The following MCM4 variants were observed in gnomAD, a reference collection of about 807,000 sequenced individuals.
The protein encoded by MCM4 is DNA replication licensing factor MCM4.
In MCM4, 60 loss-of-function variants were observed where a neutral mutation model predicts 88.7. That is an observed-to-expected ratio of 0.68 (90% confidence interval 0.55 to 0.84). MCM4 has a LOEUF of 0.84. Among genes scored for constraint, MCM4 ranks in the 40% least tolerant of loss-of-function variants. The pLI is 0.00. For synonymous variants in MCM4, 465 were observed against 410.5 expected (o/e 1.13, Z -1.61); for missense variants, 1,149 against 1,105.5 (o/e 1.04, Z -0.56).
At chr8:47,971,282 G>A in intron 12 of MCM4, 59 bp from the exon 13 acceptor site, 2 of 1,605,428 alleles carry the variant, frequency 1.2e-6, no homozygotes, top group Non-Finnish European at 1.7e-6. Context: ...GGCGAAGACG[G>A]TGCTTGTTAA....
intron 13 of MCM4, among the ~76,000 whole-genome samples, chr8:47,972,097 C>T (rs1464320166): frequency 3.3e-5 from 5 of 151,616 alleles, no homozygotes; most frequent in Non-Finnish European, 5.9e-5. Context: ...CCCGGCGTGG[C>T]GGCGCATGCC....
intron 13 of MCM4, among the ~76,000 whole-genome samples, chr8:47,972,235 C>CAA (rs779237498): frequency 1.2e-3 from 75 of 61,548 alleles, no homozygotes; most frequent in South Asian, 3.6e-3. Context: ...GACTCTGTCT[C>CAA]AAAAAAAAAA....
intron 10 of MCM4, among the ~76,000 whole-genome samples, chr8:47,968,526 C>T (rs1201153268): frequency 6.6e-6 from 1 of 152,132 alleles, no homozygotes; most frequent in South Asian, 2.1e-4. Flanking sequence ...TGTTTGGGGC[C>T]AAGGGGCTGT....
chr8:47,962,474 ATATC>A (rs2090853449), intron 5 of MCM4, 68 bp downstream of exon 5: 11 of 1,488,954 alleles, frequency 7.4e-6, no homozygotes, highest in Middle Eastern at 3.5e-4. Context: ...TTTATAATCT[ATATC>A]TAAGTAGCCA....
intron 16 of MCM4, among the ~76,000 whole-genome samples, 186 bp downstream of exon 16, chr8:47,976,034 C>T (rs150230360): frequency 6.6e-6 from 1 of 152,004 alleles, no homozygotes; most frequent in African/African-American, 2.4e-5. Flanking sequence ...CAGTAGCTCA[C>T]GCCTGTAATC....
intron 15 of MCM4, 41 bp from the exon 16 acceptor site, chr8:47,975,674 A>G (rs2090994698): frequency 1.4e-6 from 2 of 1,468,462 alleles, no homozygotes; most frequent in South Asian, 1.5e-5. Context: ...ATTTCATTTC[A>G]TAATAGCAAA....
chr8:47,968,481 A>G (rs1402048363), intron 10 of MCM4, among the ~76,000 whole-genome samples: 2 of 152,192 alleles, frequency 1.3e-5, no homozygotes, highest in African/African-American at 4.8e-5. Context: ...CCTCACCTAC[A>G]AAGTGGAGTT....
intron 15 of MCM4, chr8:47,975,182 GT>G (rs369844104): frequency 0.03 from 10,224 of 335,566 alleles, 10 homozygotes; most frequent in Middle Eastern, 0.039. Flanking sequence ...GTTTTTTTTT[GT>G]TTTTTTTTTT....
At chr8:47,962,660 T>G in intron 5 of MCM4, 104 bp from the exon 6 acceptor site, 1 of 754,764 alleles carries the variant, frequency 1.3e-6, no homozygotes, top group South Asian at 1.8e-5. Flanking sequence ...AAATATTATT[T>G]ATTTCTGTCT....
chr8:47,963,028 C>G lies in MCM4; in HGVS notation c.681C>G (p.Ile227Met). Reference sequence around the variant, plus strand: ...ACAAAAATTTGTACAGACAACTCATCTCTTACCCACAGGTAAGAATTTAGC... The same window carrying G: ...ACAAAAATTTGTACAGACAACTCATGTCTTACCCACAGGTAAGAATTTAGC... ...SFDKNLYRQLISYPQEVIPTF... is the reference protein window; with the variant it reads ...SFDKNLYRQLMSYPQEVIPTF... The change falls in exon 7 of 17, where the codon ATC becomes ATG. Residue 227 changes from isoleucine to methionine, a missense_variant. By Grantham distance (10) the Ile-to-Met change is conservative. Around this residue, in one of 3 missense-constraint regions of MCM4, gnomAD observed 906 missense variants for 843.0 expected, o/e 1.07. Coordinates refer to ENST00000649973, the MANE Select transcript of MCM4 (RefSeq NM_182746.3). 1 of 1,589,232 alleles carries G rather than the reference C, an allele frequency of 6.3e-7. No individual in the cohort carries two copies. Among genetic ancestry groups the G allele is most frequent in the Non-Finnish European group, 8.6e-7 (1 of 1,165,892 alleles).
chr8:47,964,669 C>CA lies in MCM4; in HGVS notation c.791dup (p.Asn264LysfsTer6), dbSNP rs2090882171. On this transcript the variant is annotated frameshift_variant, in exon 8 of 17. Transcript: ENST00000649973. LOFTEE classifies it high-confidence loss of function. Reference sequence around the variant, plus strand: ...AACATCAGATTCAAGTAAGACCATTCAACGCATTGAAGACTAAGAATATGA... The same window carrying CA: ...AACATCAGATTCAAGTAAGACCATTCAAACGCATTGAAGACTAAGAATATGA... 6.2e-7 allele frequency: 1 copy of CA among 1,602,254 alleles called. No individual in the cohort carries two copies. Among genetic ancestry groups the CA allele is most frequent in the African/African-American group, 1.3e-5 (1 of 74,680 alleles).
At position 47,960,980 on chromosome 8, in the gene MCM4, C is replaced by T. The variant is rs531179251; in HGVS notation, c.-49C>T. ...CTACTCGCCAGGTGGACTCGGAGTCCGCGAGCGTCGTCGGCAAGCGGCCGC... is the reference window on the plus strand; with the variant it reads ...CTACTCGCCAGGTGGACTCGGAGTCTGCGAGCGTCGTCGGCAAGCGGCCGC... On this transcript the variant is annotated 5_prime_UTR_variant, in exon 1 of 17. Transcript: ENST00000649973. The T allele has an allele frequency of 3.0e-6, 2 of 666,512 alleles. No individual in the cohort carries two copies. The highest frequency in any genetic ancestry group is 4.6e-6 in the Non-Finnish European group (2 of 435,028). The allele number at this position is 666,512 out of a possible 1,614,324, so 41.3% of individuals were successfully genotyped here.
chr8:47,967,241 G>C, intron 9 of MCM4, 124 bp from the exon 10 acceptor site: 1 of 1,014,250 alleles, frequency 9.9e-7, no homozygotes, highest in Non-Finnish European at 1.4e-6. Flanking sequence ...GAGAAACATG[G>C]ACAATCATTT....
intron 7 of MCM4, among the ~76,000 whole-genome samples, chr8:47,963,703 C>CTGTA (rs916580542): frequency 1.3e-5 from 2 of 152,128 alleles, no homozygotes; most frequent in African/African-American, 4.8e-5. Flanking sequence ...ATATATTGTA[C>CTGTA]TGTAGACTTT....
Position 47,967,491 on chromosome 8 carries a change from A to G in MCM4, c.1174+6A>G. ...GGACAGAGTGAATGTTACAGGTAAG[A>G]GTGTAGGTTTGCACCAGCACTTGAG... On this transcript the variant is annotated splice_donor_region_variant and intron_variant, in intron 10 of 16. Transcript: ENST00000649973. 6.2e-7 allele frequency: 1 copy of G among 1,614,048 alleles called. No homozygotes were observed. Among genetic ancestry groups the G allele is most frequent in the African/African-American group, 1.3e-5 (1 of 75,020 alleles).
rs752922408 is a variant in MCM4, at chr8:47,961,672, A to C, written c.227A>C (p.His76Pro). 1.9e-6 allele frequency: 3 copies of C among 1,608,982 alleles called. No homozygotes were observed. Among genetic ancestry groups the C allele is most frequent in the African/African-American group, 1.3e-5 (1 of 74,804 alleles). The change falls in exon 3 of 17, where the codon CAT becomes CCT. Residue 76 changes from histidine (H) to proline (P), a missense_variant. Physicochemically the swap from His to Pro is moderately conservative, Grantham distance 77. This residue lies in a region of MCM4 where 906 missense variants were observed against 843.0 expected (regional missense o/e 1.07). Transcript: ENST00000649973. ...DVLFSSPPQM[H>P]SSAIPLDFDV... ...CTGTTTTCCAGCCCTCCCCAAATGC[A>C]TTCTTCAGGTGCGTGTCTGAAGATC... is the stretch of plus-strand genomic sequence containing the variant.
chr8:47,975,773 T>C lies in MCM4; in HGVS notation c.2424T>C (p.Leu808=). ...KEELAEALKK[L]ILSKGKTPAL... ...AATTAGCTGAAGCATTGAAAAAGCT[T>C]ATTTTATCTAAGGGCAAAACACCAG... Residue 808 remains leucine (L), a synonymous_variant, in exon 16 of 17, where the codon CTT becomes CTC. Coordinates refer to ENST00000649973, the MANE Select transcript of MCM4 (RefSeq NM_182746.3). 6.3e-7 allele frequency: 1 copy of C among 1,587,754 alleles called. No homozygotes were observed. Among genetic ancestry groups the C allele is most frequent in the South Asian group, 1.2e-5 (1 of 84,456 alleles).
chr8:47,968,774 C>T lies in MCM4; in HGVS notation c.1175-1024C>T, dbSNP rs551017393. Among the ~76,000 whole-genome samples the T allele has an allele frequency of 2.0e-5, 3 of 151,438 alleles. No individual in the cohort carries two copies. The East Asian group carries it at 5.8e-4, about 29-fold the overall frequency. On this transcript the variant is annotated intron_variant, in intron 10 of 16. Coordinates refer to ENST00000649973, the MANE Select transcript of MCM4 (RefSeq NM_182746.3). ...TGAGATAGCTGTAACGGGGAAAGGCCAGGCTTTCTCCAAAAGCTGCAGGAA... is the reference window on the plus strand; with the variant it reads ...TGAGATAGCTGTAACGGGGAAAGGCTAGGCTTTCTCCAAAAGCTGCAGGAA...
At position 47,962,087 on chromosome 8, in the gene MCM4, G is replaced by T; in HGVS notation, c.270G>T (p.Leu90=). The change falls in exon 4 of 17, where the codon CTG becomes CTT. Residue 90 remains leucine, a synonymous_variant. Coordinates refer to ENST00000649973, the MANE Select transcript of MCM4 (RefSeq NM_182746.3). ...IPLDFDVSSP[L]TYGTPSSRVE... The stretch of plus-strand genomic sequence containing the variant: ...TTGACTTTGATGTTAGTTCACCACT[G>T]ACATACGGCACTCCCAGCTCTCGGG... The T allele has an allele frequency of 6.2e-7, 1 of 1,614,136 alleles. No homozygotes were observed. Among genetic ancestry groups the T allele is most frequent in the South Asian group, 1.1e-5 (1 of 91,070 alleles).
Sources: gnomAD v4.1 joint callset for allele counts (sites outside exome capture counted in the v4.1 genomes callset) on GRCh38, gnomAD v4.1.1 for gene constraint, gnomAD v4.1.1 regional missense constraint, MANE v1.5 for transcripts, NCBI Gene and HGNC (gene_info 2026-07-23, HGNC 2026-07-21) for gene names.